Variants in FAM135B observed in about 807,000 individuals in gnomAD.
FAM135B encodes the protein protein FAM135B.
FAM135B carries 43 observed loss-of-function variants against 127.7 expected under a neutral mutation model. The observed-to-expected ratio is 0.34, with a 90% CI of 0.26 to 0.43. The LOEUF is 0.43. Among genes scored for constraint, FAM135B ranks in the 20% least tolerant of loss-of-function variants. The pLI is 1.00. For missense variants in FAM135B, 1,558 were observed against 1,725.6 expected (o/e 0.90, Z 1.72); for synonymous variants, 670 against 665.1 (o/e 1.01, Z -0.11).
intron 1 of FAM135B, among the ~76,000 whole-genome samples, chr8:138,446,789 G>A (rs1034455577): frequency 6.6e-6 from 1 of 151,702 alleles, no homozygotes; most frequent in African/African-American, 2.4e-5. Flanking sequence ...GGCAACAAAA[G>A]CCAAAATTGA....
At chr8:138,462,067 T>C (rs1837156339) in intron 1 of FAM135B, among the ~76,000 whole-genome samples, 2 of 152,182 alleles carry the variant, frequency 1.3e-5, no homozygotes, top group South Asian at 4.2e-4. Context: ...ATGATAATGA[T>C]GATGATAAAT....
chr8:138,182,389 T>G (rs1815133846), intron 9 of FAM135B, among the ~76,000 whole-genome samples: 1 of 152,106 alleles, frequency 6.6e-6, no homozygotes. Flanking sequence ...AGCCCAGAGC[T>G]GTCATAGCTG....
intron 1 of FAM135B, among the ~76,000 whole-genome samples, chr8:138,389,426 TAAATGGATAAATCA>T (rs1463151461): frequency 1.3e-5 from 2 of 152,294 alleles, no homozygotes; most frequent in African/African-American, 2.4e-5. Context: ...CATCAACTGA[TAAATGGATAAATCA>T]AAATGGATAA....
At chr8:138,324,007 AG>A (rs1827631831) in intron 2 of FAM135B, among the ~76,000 whole-genome samples, 1 of 152,240 alleles carries the variant, frequency 6.6e-6, no homozygotes, top group South Asian at 2.1e-4. Context: ...CACAGGTGAC[AG>A]GAAAGCACTT....
chr8:138,222,568 C>T (rs1286148308), intron 7 of FAM135B, among the ~76,000 whole-genome samples: 1 of 151,726 alleles, frequency 6.6e-6, no homozygotes, highest in Non-Finnish European at 1.5e-5. Flanking sequence ...ACTGACCAGG[C>T]TGAAGAGGTT....
intron 13 of FAM135B, among the ~76,000 whole-genome samples, chr8:138,149,392 T>C (rs2130703628): frequency 6.6e-6 from 1 of 152,146 alleles, no homozygotes; most frequent in South Asian, 2.1e-4. Context: ...CTAGCACCAC[T>C]CCTCACCACT....
rs541230164 is a variant in FAM135B, at chr8:138,156,490, A to G, written c.1259-3274T>C. On this transcript the variant is annotated intron_variant, in intron 12 of 19. Coordinates refer to ENST00000395297, the MANE Select transcript of FAM135B (RefSeq NM_015912.4). The stretch of plus-strand genomic sequence containing the variant: ...TAGAGACACAAAAAACCCTTCAAAA[A>G]AATCAACGAATCCAGGAGTTGTTTT... 2.4e-3 allele frequency among the ~76,000 whole-genome samples: 347 copies of G among 147,336 alleles called. 1 individual carries two copies. The highest frequency in any genetic ancestry group is 4.0e-3 in the Non-Finnish European group (268 of 66,508).
At chr8:138,179,577 G>A (rs771734351) in intron 9 of FAM135B, among the ~76,000 whole-genome samples, 11 of 152,174 alleles carry the variant, frequency 7.2e-5, no homozygotes, top group Admixed American at 3.9e-4. Flanking sequence ...TTTAAAAAAC[G>A]TCCTGAGAGA....
At chr8:138,222,514 T>C (rs1305712701) in intron 7 of FAM135B, among the ~76,000 whole-genome samples, 1 of 152,090 alleles carries the variant, frequency 6.6e-6, no homozygotes. Context: ...TGGCCCAAAG[T>C]TACTGAATAT....
chr8:138,155,323 A>G (rs373245744), intron 12 of FAM135B, among the ~76,000 whole-genome samples: 6 of 152,224 alleles, frequency 3.9e-5, no homozygotes, highest in Admixed American at 1.3e-4. Context: ...AACAACCAGT[A>G]CCAGCCACTG....
At chr8:138,306,910 T>C (rs1393758576) in intron 3 of FAM135B, among the ~76,000 whole-genome samples, 1 of 152,136 alleles carries the variant, frequency 6.6e-6, no homozygotes, top group Non-Finnish European at 1.5e-5. Context: ...TTTAAGGCCA[T>C]TGTGGACACA....
At chr8:138,186,066 T>C (rs1586717692) in intron 9 of FAM135B, among the ~76,000 whole-genome samples, 1 of 152,152 alleles carries the variant, frequency 6.6e-6, no homozygotes, top group African/African-American at 2.4e-5. Flanking sequence ...CTTCCCTGAC[T>C]GGTGTCTGAC....
chr8:138,406,201 C>G (rs1431988075), intron 1 of FAM135B, among the ~76,000 whole-genome samples: 3 of 151,902 alleles, frequency 2.0e-5, no homozygotes, highest in African/African-American at 7.3e-5. Context: ...TTTTGCTGTG[C>G]AGAAGCTCTT....
At chr8:138,442,267 T>TATATATACATAC (rs1554694337) in intron 1 of FAM135B, among the ~76,000 whole-genome samples, 2 of 86,762 alleles carry the variant, frequency 2.3e-5, no homozygotes, top group African/African-American at 4.5e-5. Context: ...TATATATATA[T>TATATATACATAC]ATATATATAT....
At chr8:138,315,585 G>A (rs191539541) in intron 2 of FAM135B, among the ~76,000 whole-genome samples, 1 of 151,802 alleles carries the variant, frequency 6.6e-6, no homozygotes, top group East Asian at 1.9e-4. Flanking sequence ...GCCCAGCAAT[G>A]AATCAATGAA....
rs545234551 is a variant in FAM135B, at chr8:138,228,297, G to A, written c.669+14645C>T. 9.2e-5 allele frequency among the ~76,000 whole-genome samples: 14 copies of A among 152,062 alleles called. No homozygotes were observed. In the South Asian group the frequency reaches 1.0e-3, roughly 11 times the overall value. On this transcript the variant is annotated intron_variant, in intron 7 of 19. Coordinates refer to ENST00000395297, the MANE Select transcript of FAM135B (RefSeq NM_015912.4). ...AACTTCACTCTCGCTGGGCTGAATCGGAATCTTTAGGTGTAGGGCTGAGGT... is the reference window on the plus strand; with the variant it reads ...AACTTCACTCTCGCTGGGCTGAATCAGAATCTTTAGGTGTAGGGCTGAGGT...
chr8:138,302,515 G>A (rs1291934347), intron 3 of FAM135B, among the ~76,000 whole-genome samples: 2 of 152,202 alleles, frequency 1.3e-5, no homozygotes, highest in Admixed American at 6.5e-5. Context: ...GGGAACGAAT[G>A]CAGGGCAGGG....
At chr8:138,336,369 T>G (rs1828588034) in intron 2 of FAM135B, among the ~76,000 whole-genome samples, 1 of 151,512 alleles carries the variant, frequency 6.6e-6, no homozygotes, top group South Asian at 2.1e-4. Context: ...GCAAGACTAA[T>G]AAAGAAGAAA....
chr8:138,456,028 T>C (rs1836757831), intron 1 of FAM135B, among the ~76,000 whole-genome samples: 1 of 152,182 alleles, frequency 6.6e-6, no homozygotes, highest in Non-Finnish European at 1.5e-5. Flanking sequence ...TATTCAGAAG[T>C]GTACGTGAGG....
Sources: allele counts gnomAD v4.1 joint callset (sites outside exome capture counted in the v4.1 genomes callset), GRCh38; gene constraint gnomAD v4.1.1; transcripts MANE v1.5; gene names NCBI Gene and HGNC (gene_info 2026-07-23, HGNC 2026-07-21).